The following GREB1 variants were observed in gnomAD, a reference collection of about 807,000 sequenced individuals.
GREB1 encodes growth regulating estrogen receptor binding 1.
GREB1 carries 106 observed loss-of-function variants against 200.7 expected under a neutral mutation model. The observed-to-expected ratio is 0.53, with a 90% CI of 0.45 to 0.62. The LOEUF (loss-of-function observed/expected upper bound fraction) is 0.62, where lower values mean the gene tolerates loss of function less well. Among genes scored for constraint, GREB1 ranks in the 20% least tolerant of loss-of-function variants. The pLI is 0.00. For missense variants in GREB1, 2,243 were observed against 2,556.8 expected (o/e 0.88, Z 2.65); for synonymous variants, 1,132 against 1,092.4 (o/e 1.04, Z -0.72).
At chr2:11,608,481 T>A (rs1572904335) in intron 17 of GREB1, among the ~76,000 whole-genome samples, 1 of 152,216 alleles carries the variant, frequency 6.6e-6, no homozygotes, top group Non-Finnish European at 1.5e-5. Context: ...AATTTTACCT[T>A]GTTGGGTGCT....
intron 5 of GREB1, among the ~76,000 whole-genome samples, chr2:11,577,785 C>T (rs2148047842): frequency 1.3e-5 from 2 of 152,276 alleles, no homozygotes; most frequent in Middle Eastern, 6.8e-3. Flanking sequence ...TCAGTAAATG[C>T]CTCCTGAGCC....
At chr2:11,585,429 C>A (rs569704694) in intron 8 of GREB1, among the ~76,000 whole-genome samples, 155 bp downstream of exon 8, 2 of 152,358 alleles carry the variant, frequency 1.3e-5, no homozygotes, top group South Asian at 4.1e-4. Context: ...TTTGGTGTGA[C>A]AAAAGACCTC....
At chr2:11,562,022 C>T (rs1241367451) in intron 2 of GREB1, among the ~76,000 whole-genome samples, 1 of 152,194 alleles carries the variant, frequency 6.6e-6, no homozygotes, top group Non-Finnish European at 1.5e-5. Flanking sequence ...ATGGTACCAT[C>T]TACACAAATA....
At position 11,625,169 on chromosome 2, in the gene GREB1, C is replaced by A. The variant is rs779361091; in HGVS notation, c.4163C>A (p.Ser1388Tyr). The A allele has an allele frequency of 2.5e-6, 4 of 1,613,612 alleles. No individual in the cohort carries two copies. The highest frequency in any genetic ancestry group is 3.4e-6 in the Non-Finnish European group (4 of 1,179,630). ...AATCTTGTAGACCTCAGAGAAGAAT[C>A]TGACTGGCATTATCTCCAGCTTAGC... Reference protein sequence around the residue: ...EEININLREESDWHYLQLSDP... With the variant: ...EEININLREEYDWHYLQLSDP... The change falls in exon 24 of 33, where the codon TCT becomes TAT. Residue 1388 changes from serine (S) to tyrosine (Y), a missense_variant. Physicochemically the swap from Ser to Tyr is moderately radical, Grantham distance 144 (BLOSUM62 -2). Coordinates refer to ENST00000381486, the MANE Select transcript of GREB1 (RefSeq NM_014668.4).
At position 11,632,181 on chromosome 2, in the gene GREB1, G is replaced by A; in HGVS notation, c.4816+68G>A. Reference sequence around the variant, plus strand: ...AACGAACACTTGAGAGAGTGTTCTAGAGACAAAAGTTAAACATGTGACATC... The same window carrying A: ...AACGAACACTTGAGAGAGTGTTCTAAAGACAAAAGTTAAACATGTGACATC... On this transcript the variant is annotated intron_variant, in intron 27 of 32. Transcript: ENST00000381486. The A allele has an allele frequency of 5.3e-6, 6 of 1,139,654 alleles. No homozygotes were observed. The Admixed American group carries it at 9.3e-5, about 18-fold the overall frequency. The allele number at this position is 1,139,654 out of a possible 1,614,324, so 70.6% of individuals were successfully genotyped here.
At chr2:11,516,564 C>T (rs1673508658) in intron 1 of GREB1, among the ~76,000 whole-genome samples, 1 of 152,190 alleles carries the variant, frequency 6.6e-6, no homozygotes, top group Admixed American at 6.5e-5. Flanking sequence ...TTCTCTTCCC[C>T]ACCCCAAGTC....
At chr2:11,617,801 G>A (rs1374663703) in intron 21 of GREB1, among the ~76,000 whole-genome samples, 1 of 152,154 alleles carries the variant, frequency 6.6e-6, no homozygotes, top group African/African-American at 2.4e-5. Context: ...ACGGGGAAAG[G>A]TCAGAGGTCA....
chr2:11,604,039 A>G (rs1055124777), intron 17 of GREB1, among the ~76,000 whole-genome samples: 1 of 152,216 alleles, frequency 6.6e-6, no homozygotes, highest in African/African-American at 2.4e-5. Flanking sequence ...CACATTGACC[A>G]AAGTCTCACA....
Position 11,600,818 on chromosome 2 carries a change from C to G in GREB1, c.2352C>G (p.Leu784=). Residue 784 remains leucine, a synonymous_variant, in exon 16 of 33, where the codon CTC becomes CTG. Transcript: ENST00000381486. ...CCCTCAGTAGCACTGTTCATAACCT[C>G]TATTCTCAAAGTGACCCGTCGGTGG... ...WDLVSSTVHN[L]YSQSDPSVGL... 3 of 1,614,018 alleles carry G rather than the reference C, an allele frequency of 1.9e-6. No homozygotes were observed. The South Asian group carries it at 3.3e-5, about 18-fold the overall frequency.
chr2:11,547,493 G>GA (rs1204613509), intron 1 of GREB1, among the ~76,000 whole-genome samples: 1 of 152,152 alleles, frequency 6.6e-6, no homozygotes, highest in Non-Finnish European at 1.5e-5. Context: ...AGTCTACCAT[G>GA]ATCTTCAGCT....
intron 1 of GREB1, among the ~76,000 whole-genome samples, chr2:11,483,915 T>C (rs191249079): frequency 4.4e-4 from 67 of 152,350 alleles, no homozygotes; most frequent in African/African-American, 1.5e-3. Flanking sequence ...GAGTTAAGTG[T>C]TACTTCAGGG....
upstream of GREB1, among the ~76,000 whole-genome samples, chr2:11,529,824 G>A (rs114535089): frequency 8.1e-3 from 1,238 of 152,290 alleles, 14 homozygotes; most frequent in African/African-American, 0.028. Flanking sequence ...AGGCAGAAAA[G>A]CAAGTCTTAG....
In GREB1 at chr2:11,492,486, C is replaced by T. The variant is rs146758887; in HGVS notation, c.-159+10105C>T. Among the ~76,000 whole-genome samples the T allele has an allele frequency of 2.2e-3, 328 of 152,150 alleles. No homozygotes were observed. The highest frequency in any genetic ancestry group is 0.02 in the Middle Eastern group (6 of 294). On this transcript the variant is annotated intron_variant, in intron 1 of 2. Coordinates refer to the GREB1 transcript ENST00000628795. This position sits in a 1 kb window ranked among gnomAD's most constrained non-coding sequence, Gnocchi z 4.0. ...GTTATCACAGTCTGTGATCTGGAGC[C>T]GGCTTTGCATGGCAGAGGCTCATTC...
intron 4 of GREB1, among the ~76,000 whole-genome samples, chr2:11,572,072 T>G (rs1678365521): frequency 6.6e-6 from 1 of 152,244 alleles, no homozygotes; most frequent in Non-Finnish European, 1.5e-5. Flanking sequence ...TATCAGATTT[T>G]CTTTCTAAAC....
At position 11,612,512 on chromosome 2, in the gene GREB1, G is replaced by A; in HGVS notation, c.3024G>A (p.Glu1008=). 1 of 1,610,676 alleles carries A rather than the reference G, an allele frequency of 6.2e-7. No individual in the cohort carries two copies. Among genetic ancestry groups the A allele is most frequent in the South Asian group, 1.1e-5 (1 of 90,962 alleles). Residue 1008 remains glutamate, a synonymous_variant, in exon 19 of 33, where the codon GAG becomes GAA. Transcript: ENST00000381486. ...ATCTGCAGATGTGGCAGAAAATTGAGGATGTGGAGTGGAGACCCCAGACTT... is the reference window on the plus strand; with the variant it reads ...ATCTGCAGATGTGGCAGAAAATTGAAGATGTGGAGTGGAGACCCCAGACTT... The part of the protein sequence containing the change: ...VKQLRMWQKI[E]DVEWRPQTYL...
rs142274212 is a variant in GREB1, at chr2:11,620,492, A to AT, written c.4045-403dup. ...GTTTAGAAGGAGAAATACGAGAAGC[A>AT]TTTTTTTTTTATGTCTTATACAATG... On this transcript the variant is annotated intron_variant, in intron 22 of 32. Coordinates refer to ENST00000381486, the MANE Select transcript of GREB1 (RefSeq NM_014668.4). Among the ~76,000 whole-genome samples, 1,278 of 149,916 alleles carry AT rather than the reference A, an allele frequency of 8.5e-3. 24 individuals carry two copies. Among genetic ancestry groups the AT allele is most frequent in the African/African-American group, 0.028 (1,151 of 40,976 alleles).
intron 27 of GREB1, among the ~76,000 whole-genome samples, 153 bp from the exon 28 acceptor site, chr2:11,632,736 A>C (rs1386307005): frequency 6.6e-6 from 1 of 152,148 alleles, no homozygotes; most frequent in Non-Finnish European, 1.5e-5. Context: ...TTCTCTCCCT[A>C]GCCCATGGGC....
rs1281823160 is a variant in GREB1, at chr2:11,629,880, G to A, written c.4450-68G>A. 4.3e-5 allele frequency: 65 copies of A among 1,503,630 alleles called. No homozygotes were observed. Among genetic ancestry groups the A allele is most frequent in the Non-Finnish European group, 5.9e-5 (64 of 1,089,484 alleles). 93.1% of individuals were successfully genotyped at this position (1,503,630 alleles called of 1,614,324 possible). ...AGCTGCACGTTGTCACAGCAGAGTGGGCCTGGGGTCTTCTGGGAAGCAGGC... is the reference window on the plus strand; with the variant it reads ...AGCTGCACGTTGTCACAGCAGAGTGAGCCTGGGGTCTTCTGGGAAGCAGGC... On this transcript the variant is annotated intron_variant, in intron 25 of 32. Transcript: ENST00000381486. This position sits in a 1 kb window ranked among gnomAD's most constrained non-coding sequence, Gnocchi z 5.2.
chr2:11,562,509 A>G lies in GREB1; in HGVS notation c.204A>G (p.Gly68=). Reference sequence around the variant, plus strand: ...AGGAAGAGGAAGAAGAGGGAGAAGGAGGGCTGGAAACAAATGGCCCCCCAA... The same window carrying G: ...AGGAAGAGGAAGAAGAGGGAGAAGGGGGGCTGGAAACAAATGGCCCCCCAA... ...DNEEEEEEGE[G]GLETNGPPNP... is the part of the protein sequence containing the mutation. The change falls in exon 3 of 33, where the codon GGA becomes GGG. Residue 68 remains glycine (G), a synonymous_variant. Coordinates refer to ENST00000381486, the MANE Select transcript of GREB1 (RefSeq NM_014668.4). The G allele has an allele frequency of 6.2e-7, 1 of 1,607,970 alleles. No individual in the cohort carries two copies. Among genetic ancestry groups the G allele is most frequent in the Non-Finnish European group, 8.5e-7 (1 of 1,177,230 alleles).
Sources: gnomAD v4.1 joint callset for allele counts (sites outside exome capture counted in the v4.1 genomes callset) on GRCh38, gnomAD v4.1.1 for gene constraint, Gnocchi (gnomAD v3.1) non-coding constraint, MANE v1.5 for transcripts, NCBI Gene and HGNC (gene_info 2026-07-23, HGNC 2026-07-21) for gene names.